Variants in MAML3 observed in about 807,000 individuals in gnomAD.
MAML3 encodes the protein mastermind-like protein 3.
Under a neutral mutation model 101.9 loss-of-function variants are expected in MAML3, and 27 were observed. The ratio of observed to expected loss-of-function variants is 0.27; its 90% CI spans 0.20 to 0.37. MAML3 has a LOEUF of 0.37. MAML3 is among the 10% of genes least tolerant of loss of function. MAML3 has a pLI of 1.00. For missense variants in MAML3, 1,316 were observed against 1,444.9 expected, an observed-to-expected ratio of 0.91 and a Z score of 1.45; for synonymous variants, 501 against 555.9, an observed-to-expected ratio of 0.90 and a Z score of 1.39.
Position 139,720,268 on chromosome 4 carries a change from T to C in MAML3, c.2472A>G (p.Arg824=), listed in dbSNP as rs1728182308. 1.9e-6 allele frequency: 3 copies of C among 1,587,494 alleles called. No homozygotes were observed. The highest frequency in any genetic ancestry group is 2.6e-6 in the Non-Finnish European group (3 of 1,164,256). Residue 824 remains arginine (R), a synonymous_variant, in exon 5 of 5, where the codon CGA becomes CGG. Transcript: ENST00000509479. ...VRSQAALQSM[R]TSRLMAQNAG... is the part of the protein sequence containing the mutation. ...CGTTCTGTGCCATCAGCCGTGACGT[T>C]CGCATGCTCTGGAGGGCTGCTTGGC... is the stretch of plus-strand genomic sequence containing the variant.
chr4:139,871,811 A>G (rs929894187), intron 2 of MAML3, among the ~76,000 whole-genome samples: 2 of 152,200 alleles, frequency 1.3e-5, no homozygotes, highest in African/African-American at 4.8e-5. Context: ...CACAGTGCTG[A>G]CGTCTTTTTA....
chr4:139,809,153 T>C (rs569045655), intron 2 of MAML3, among the ~76,000 whole-genome samples: 15 of 152,350 alleles, frequency 9.8e-5, no homozygotes, highest in African/African-American at 3.4e-4. Flanking sequence ...GGGATTAAAC[T>C]GACAGCTGCC....
intron 1 of MAML3, among the ~76,000 whole-genome samples, chr4:140,130,312 G>A (rs567183688): frequency 7.2e-5 from 11 of 152,258 alleles, no homozygotes; most frequent in Middle Eastern, 3.4e-3. Context: ...TGCATATATC[G>A]TGAGTCCTAT....
intron 1 of MAML3, among the ~76,000 whole-genome samples, chr4:140,121,567 C>T (rs760312220): frequency 9.2e-5 from 14 of 152,334 alleles, no homozygotes; most frequent in African/African-American, 1.2e-4. Context: ...ATTTAGCCTA[C>T]GCTGATACTC....
chr4:139,881,068 C>T (rs1055605560), intron 2 of MAML3, among the ~76,000 whole-genome samples: 1 of 152,130 alleles, frequency 6.6e-6, no homozygotes, highest in Non-Finnish European at 1.5e-5. Context: ...CAAGATGATT[C>T]AAGCTAAACA....
intron 1 of MAML3, among the ~76,000 whole-genome samples, chr4:140,002,025 T>C (rs1468892552): frequency 6.8e-6 from 1 of 147,176 alleles, no homozygotes; most frequent in Non-Finnish European, 1.5e-5. Context: ...CTAATTAACA[T>C]ATGCATTACC....
At chr4:140,050,449 A>G (rs975369227) in intron 1 of MAML3, among the ~76,000 whole-genome samples, 7 of 151,964 alleles carry the variant, frequency 4.6e-5, no homozygotes, top group African/African-American at 1.7e-4. Flanking sequence ...TCTAAACCAG[A>G]CCCAATTAAC....
intron 1 of MAML3, among the ~76,000 whole-genome samples, chr4:140,118,183 C>T (rs1273033532): frequency 1.1e-4 from 17 of 150,818 alleles, no homozygotes; most frequent in Non-Finnish European, 1.8e-4. Context: ...TTTTCCCTAC[C>T]GTGTTCAATC....
intron 1 of MAML3, among the ~76,000 whole-genome samples, chr4:140,142,063 A>G (rs1210144137): frequency 6.6e-6 from 1 of 152,240 alleles, no homozygotes. Context: ...TCATTCAATA[A>G]ATTATGAAAT....
intron 1 of MAML3, among the ~76,000 whole-genome samples, chr4:140,086,128 T>G (rs1337005041): frequency 6.6e-6 from 1 of 152,226 alleles, no homozygotes; most frequent in Non-Finnish European, 1.5e-5. Context: ...GTTTTCCAAT[T>G]TAAGAGGATC....
At chr4:139,952,937 A>G (rs1030584627) in intron 1 of MAML3, among the ~76,000 whole-genome samples, 1 of 152,210 alleles carries the variant, frequency 6.6e-6, no homozygotes, top group Non-Finnish European at 1.5e-5. Flanking sequence ...TGTCCAAAAA[A>G]TGCCTGGATT....
rs143736586 is a variant in MAML3, at chr4:139,935,630, C to T, written c.469-44663G>A. 7.6e-3 allele frequency among the ~76,000 whole-genome samples: 1,041 copies of T among 136,936 alleles called. 35 individuals carry two copies. The highest frequency in any genetic ancestry group is 0.063 in the Admixed American group (915 of 14,546). The allele number at this position is 136,936 out of a possible 152,430, so 89.8% of individuals were successfully genotyped here. ...CAGTGTTTCAAGTGTTTCAGCTTTC[C>T]TAGGGTTTTTTTGTTTTTTTTTTTT... On this transcript the variant is annotated intron_variant, in intron 1 of 4. Transcript: ENST00000509479.
At position 139,746,161 on chromosome 4, in the gene MAML3, C is replaced by T. The variant is rs550233333; in HGVS notation, c.2080-15494G>A. 1.8e-4 allele frequency among the ~76,000 whole-genome samples: 27 copies of T among 152,266 alleles called. No individual in the cohort carries two copies. In the East Asian group the frequency reaches 4.0e-3, roughly 23 times the overall value. On this transcript the variant is annotated intron_variant, in intron 2 of 4. Coordinates refer to ENST00000509479, the MANE Select transcript of MAML3 (RefSeq NM_018717.5). ...TATTAAAAAGTCAGAAAATCACTCT[C>T]GGTCTTATTGCTAAATCTTGTTTGC...
chr4:139,850,960 T>C (rs1731537627), intron 2 of MAML3, among the ~76,000 whole-genome samples: 1 of 152,010 alleles, frequency 6.6e-6, no homozygotes, highest in Admixed American at 6.5e-5. Flanking sequence ...TGGTTGACAT[T>C]AGAAAATTAC....
intron 1 of MAML3, among the ~76,000 whole-genome samples, chr4:139,950,870 C>T (rs968379968): frequency 6.6e-6 from 1 of 152,292 alleles, no homozygotes; most frequent in East Asian, 1.9e-4. Context: ...GCCTGCAGCT[C>T]TGGGCCAGCC....
At chr4:140,086,030 A>G (rs1470427499) in intron 1 of MAML3, among the ~76,000 whole-genome samples, 1 of 152,176 alleles carries the variant, frequency 6.6e-6, no homozygotes, top group Admixed American at 6.5e-5. Context: ...TAAACTTTCC[A>G]TTTCACCGTG....
At chr4:139,781,407 C>T (rs768648960) in intron 2 of MAML3, among the ~76,000 whole-genome samples, 19 of 151,774 alleles carry the variant, frequency 1.3e-4, no homozygotes, top group Non-Finnish European at 2.5e-4. Flanking sequence ...TTAAATTTGG[C>T]AAACTTCATG....
intron 1 of MAML3, among the ~76,000 whole-genome samples, chr4:140,101,262 T>C (rs1728247946): frequency 6.6e-6 from 1 of 152,218 alleles, no homozygotes; most frequent in South Asian, 2.1e-4. Context: ...AACACAATTT[T>C]AATCCCTTTT....
Position 139,968,853 on chromosome 4 carries a change from G to A in MAML3, c.469-77886C>T, listed in dbSNP as rs6820221. ...GGGAGTACAGAAAGCAAATCCCACCGCTGATGTCTGGAGGACAGAGGAGGC... is the reference window on the plus strand; with the variant it reads ...GGGAGTACAGAAAGCAAATCCCACCACTGATGTCTGGAGGACAGAGGAGGC... On this transcript the variant is annotated intron_variant, in intron 1 of 4. Transcript: ENST00000509479. Among the ~76,000 whole-genome samples the A allele has an allele frequency of 6.5e-3, 993 of 152,130 alleles. 13 individuals carry two copies. Among genetic ancestry groups the A allele is most frequent in the African/African-American group, 0.023 (945 of 41,502 alleles).
Sources: allele counts gnomAD v4.1 joint callset (sites outside exome capture counted in the v4.1 genomes callset), GRCh38; gene constraint gnomAD v4.1.1; transcripts MANE v1.5; gene names NCBI Gene and HGNC (gene_info 2026-07-23, HGNC 2026-07-21).